The following GLB1L2 variants were observed in gnomAD, a reference collection of about 807,000 sequenced individuals.
The protein encoded by GLB1L2 is beta-galactosidase-1-like protein 2.
A neutral mutation model predicts 84.1 loss-of-function variants in GLB1L2; 68 were observed. That is an observed-to-expected ratio of 0.81 (90% CI 0.67 to 0.99). The LOEUF (loss-of-function observed/expected upper bound fraction) is 0.99, where lower values mean the gene tolerates loss of function less well. GLB1L2 is among the 50% of genes least tolerant of loss of function. The probability of loss-of-function intolerance (pLI) is 0.00; values close to 1 mark genes in which losing one functional copy is unlikely to be tolerated. For missense variants in GLB1L2, 762 were observed against 805.6 expected (o/e 0.95, Z 0.66); for synonymous variants, 290 against 318.0 (o/e 0.91, Z 0.94).
chr11:134,356,321 C>A lies in GLB1L2; in HGVS notation c.579C>A (p.Ile193=). 1 of 1,614,006 alleles carries A rather than the reference C, an allele frequency of 6.2e-7. No homozygotes were observed. Among genetic ancestry groups the A allele is most frequent in the South Asian group, 1.1e-5 (1 of 91,076 alleles). Residue 193 remains isoleucine (I), a synonymous_variant, in exon 6 of 19, where the codon ATC becomes ATA. Coordinates refer to ENST00000535456, the MANE Select transcript of GLB1L2 (RefSeq NM_001370461.1). ...VPLQYKRGGP[I]IAVQVENEYG... is the part of the protein sequence containing the mutation. ...CGCAGTACAAGCGTGGGGGACCTAT[C>A]ATTGCCGTGCAGGTGGAGAATGAAT...
rs1052962672 is a variant in GLB1L2 at position 134,358,898 on chromosome 11, C to T, written c.652-162C>T. On this transcript the variant is annotated intron_variant, in intron 6 of 18. Transcript: ENST00000535456. ...TGATTGGAGCTGTGCTGAGCATGGC[C>T]GGTGCAGATGGCAGGAGACTTTTCT... Among the ~76,000 whole-genome samples, 18 of 152,240 alleles carry T rather than the reference C, an allele frequency of 1.2e-4. 1 individual carries two copies. The highest frequency in any genetic ancestry group is 7.7e-4 in the East Asian group (4 of 5,200).
Position 134,370,157 on chromosome 11 carries a change from T to C in GLB1L2, c.1109-136T>C. 1 of 812,440 alleles carries C rather than the reference T, an allele frequency of 1.2e-6. No homozygotes were observed. Among genetic ancestry groups the C allele is most frequent in the East Asian group, 2.4e-5 (1 of 40,836 alleles). 50.3% of individuals were successfully genotyped at this position (812,440 alleles called of 1,614,324 possible). A position where few individuals can be genotyped will look rare whatever the true frequency, so the allele number is the denominator to read the frequency against. On this transcript the variant is annotated intron_variant, in intron 11 of 18. Coordinates refer to ENST00000535456, the MANE Select transcript of GLB1L2 (RefSeq NM_001370461.1). This position sits in a 1 kb window ranked among gnomAD's most constrained non-coding sequence, Gnocchi z 4.7. Reference sequence around the variant, plus strand: ...CTTCCTCCCTGGCCTCAGCAGGTGCTGAGAGCTAGCCTGTTGTTCCTCTTG... The same window carrying C: ...CTTCCTCCCTGGCCTCAGCAGGTGCCGAGAGCTAGCCTGTTGTTCCTCTTG...
At chr11:134,371,893 C>T (rs1008505373) in intron 15 of GLB1L2, 63 bp downstream of exon 15, 2 of 1,518,546 alleles carry the variant, frequency 1.3e-6, no homozygotes, top group Non-Finnish European at 1.8e-6. Flanking sequence ...GCTATTGCTT[C>T]TCTATGCTAG....
At chr11:134,365,904 C>T (rs376811755) in intron 8 of GLB1L2, among the ~76,000 whole-genome samples, 1 of 152,206 alleles carries the variant, frequency 6.6e-6, no homozygotes, top group East Asian at 1.9e-4. Context: ...CAGAACTATG[C>T]AAGTGTTTCT....
intron 2 of GLB1L2, among the ~76,000 whole-genome samples, chr11:134,343,840 G>T (rs554789555): frequency 6.6e-6 from 1 of 152,314 alleles, no homozygotes; most frequent in African/African-American, 2.4e-5. Context: ...TCTTTGTAGT[G>T]GGCAGAGGCT....
chr11:134,356,657 G>T (rs1458727136), intron 6 of GLB1L2, among the ~76,000 whole-genome samples: 4 of 152,220 alleles, frequency 2.6e-5, no homozygotes, highest in African/African-American at 9.6e-5. Flanking sequence ...TGATGATTAG[G>T]AAGGCTTCCT....
chr11:134,347,990 G>A (rs73604952), intron 5 of GLB1L2, among the ~76,000 whole-genome samples: 9,678 of 152,246 alleles, frequency 0.064, 803 homozygotes, highest in East Asian at 0.31. Flanking sequence ...GTTAAAGTAC[G>A]TTTTGGGGGA....
In GLB1L2 at chr11:134,344,452, T is replaced by C; in HGVS notation, c.350T>C (p.Leu117Pro). The C allele has an allele frequency of 6.2e-7, 1 of 1,612,600 alleles. No homozygotes were observed. Among genetic ancestry groups the C allele is most frequent in the African/African-American group, 1.3e-5 (1 of 74,984 alleles). ...GKFDFSGNLD[L>P]EAFVLMAAEI... ...TTTGACTTCTCTGGGAACCTGGACC[T>C]GGAGTATGTGGTGTTGCTGCTTCTG... Residue 117 changes from leucine (L) to proline (P), a missense_variant, in exon 3 of 19, where the codon CTG becomes CCG. By Grantham distance (98) the Leu-to-Pro change is moderately conservative. Around this residue, in one of 3 missense-constraint regions of GLB1L2, gnomAD observed 59 missense variants for 105.1 expected, o/e 0.56. Transcript: ENST00000535456.
Position 134,368,780 on chromosome 11 carries a change from T to C in GLB1L2, c.1026T>C (p.Tyr342=). The change falls in exon 10 of 19, where the codon TAT becomes TAC. Residue 342 remains tyrosine, a splice_region_variant and synonymous_variant. Transcript: ENST00000535456. The stretch of plus-strand genomic sequence containing the variant: ...ACTACAAGTCAGATGTCACCAGCTA[T>C]GGCAAGTATTCATCAGCACTGCTCT... ...FHDYKSDVTS[Y]DYDAVLTEAG... 6.2e-7 allele frequency: 1 copy of C among 1,613,682 alleles called. No homozygotes were observed.
chr11:134,374,384 C>T (rs1943997675), intron 17 of GLB1L2, 128 bp downstream of exon 17: 2 of 834,810 alleles, frequency 2.4e-6, no homozygotes, highest in African/African-American at 3.3e-5. Flanking sequence ...GAGAGGGCCG[C>T]TGGGGCCTCC....
intron 5 of GLB1L2, among the ~76,000 whole-genome samples, chr11:134,355,083 T>C (rs988839272): frequency 2.0e-5 from 3 of 152,200 alleles, no homozygotes; most frequent in Non-Finnish European, 4.4e-5. Flanking sequence ...TGTTTAAGTT[T>C]GCTTTTCTTT....
chr11:134,342,783 G>T lies in GLB1L2; in HGVS notation c.116G>T (p.Arg39Leu), dbSNP rs952786451. ...RLDWSTLVPLRLRHRQLGLQA... is the reference protein window; with the variant it reads ...RLDWSTLVPLLLRHRQLGLQA... The stretch of plus-strand genomic sequence containing the variant: ...GACTGGAGCACCCTGGTCCCTCTGC[G>T]GCTCCGCCATCGACAGCTGGGGCTG... The change falls in exon 2 of 19, where the codon CGG becomes CTG. Residue 39 changes from arginine (R) to leucine (L), a missense_variant. Physicochemically the swap from Arg to Leu is moderately radical, Grantham distance 102 (BLOSUM62 -2). Around this residue, in one of 3 missense-constraint regions of GLB1L2, gnomAD observed 100 missense variants for 88.8 expected, o/e 1.13. Coordinates refer to ENST00000535456, the MANE Select transcript of GLB1L2 (RefSeq NM_001370461.1). The T allele has an allele frequency of 1.2e-6, 2 of 1,613,852 alleles. No individual in the cohort carries two copies. The highest frequency in any genetic ancestry group is 1.3e-5 in the African/African-American group (1 of 74,944).
chr11:134,356,151 T>A (rs553675208), intron 5 of GLB1L2, 150 bp from the exon 6 acceptor site: 22 of 746,672 alleles, frequency 2.9e-5, no homozygotes, highest in Non-Finnish European at 5.1e-5. Context: ...AAGGGCCTAG[T>A]GCTTCTTCCA....
chr11:134,340,477 A>G (rs1943447094), intron 1 of GLB1L2, among the ~76,000 whole-genome samples: 1 of 152,174 alleles, frequency 6.6e-6, no homozygotes, highest in African/African-American at 2.4e-5. Flanking sequence ...TACCTGAGGC[A>G]GGGAGGGCTG....
intron 14 of GLB1L2, 78 bp downstream of exon 14, chr11:134,371,570 C>T (rs565281930): frequency 9.5e-7 from 1 of 1,054,512 alleles, no homozygotes; most frequent in African/African-American, 1.6e-5. Context: ...CTGAGGAAAA[C>T]CTGGGAGACC....
intron 5 of GLB1L2, among the ~76,000 whole-genome samples, chr11:134,347,921 TA>T (rs1565436133): frequency 1.3e-5 from 2 of 152,196 alleles, no homozygotes; most frequent in African/African-American, 4.8e-5. Context: ...CTTTACGAGA[TA>T]CTTCCCTCTG....
rs771452200 is a variant in GLB1L2, at chr11:134,347,367, C to T, written c.492C>T (p.Tyr164=). Residue 164 remains tyrosine, a synonymous_variant, in exon 5 of 19, where the codon TAC becomes TAT. Coordinates refer to ENST00000535456, the MANE Select transcript of GLB1L2 (RefSeq NM_001370461.1). The stretch of plus-strand genomic sequence containing the variant: ...CTGGCATGAGGCTGAGGACAACTTA[C>T]AAGGGCTTCACCGAAGCAGTGGACC... ...QDPGMRLRTT[Y]KGFTEAVDLY... is the part of the protein sequence containing the mutation. 6.2e-7 allele frequency: 1 copy of T among 1,614,176 alleles called. No homozygotes were observed. Among genetic ancestry groups the T allele is most frequent in the Admixed American group, 1.7e-5 (1 of 60,026 alleles).
At chr11:134,341,468 G>C (rs1413418581) in intron 1 of GLB1L2, among the ~76,000 whole-genome samples, 1 of 152,276 alleles carries the variant, frequency 6.6e-6, no homozygotes. Flanking sequence ...GTCTCATACA[G>C]TCCTTTGGAA....
intron 5 of GLB1L2, among the ~76,000 whole-genome samples, chr11:134,355,574 C>T (rs1943689756): frequency 6.6e-6 from 1 of 152,166 alleles, no homozygotes; most frequent in Admixed American, 6.5e-5. Context: ...GTGTGTGCTT[C>T]CCTCCCTACC....
Sources: gnomAD v4.1 joint callset for allele counts (sites outside exome capture counted in the v4.1 genomes callset) on GRCh38, gnomAD v4.1.1 for gene constraint, gnomAD v4.1.1 regional missense constraint, Gnocchi (gnomAD v3.1) non-coding constraint, MANE v1.5 for transcripts, NCBI Gene and HGNC (gene_info 2026-07-23, HGNC 2026-07-21) for gene names.